Variants in COL14A1 observed in about 807,000 individuals in gnomAD.
The protein encoded by COL14A1 is collagen type XIV alpha 1 chain, also known as collagen alpha-1(XIV) chain.
Under a neutral mutation model 230.3 loss-of-function variants are expected in COL14A1, and 136 were observed. The observed-to-expected ratio is 0.59, with a 90% CI of 0.51 to 0.68. The LOEUF (loss-of-function observed/expected upper bound fraction) is 0.68. Ranked by LOEUF, COL14A1 falls within the 30% of genes least tolerant of loss-of-function variation. COL14A1 has a pLI of 0.00. For missense variants in COL14A1, 1,976 were observed against 2,215.8 expected, an observed-to-expected ratio of 0.89 and a Z score of 2.17; for synonymous variants, 792 against 784.1, an observed-to-expected ratio of 1.01 and a Z score of -0.17.
chr8:120,371,144 C>T lies in COL14A1; in HGVS notation c.5312-8C>T. 5 of 1,598,240 alleles carry T rather than the reference C, an allele frequency of 3.1e-6. No homozygotes were observed. Among genetic ancestry groups the T allele is most frequent in the Non-Finnish European group, 4.3e-6 (5 of 1,174,984 alleles). On this transcript the variant is annotated splice_region_variant and splice_polypyrimidine_tract_variant and intron_variant, in intron 47 of 47. Coordinates refer to ENST00000297848, the MANE Select transcript of COL14A1 (RefSeq NM_021110.4). Reference sequence around the variant, plus strand: ...CAGCAAGTCCCCACCCCCACTTTTCCTCTTTAGCTCCCCATCCAGATCAGC... The same window carrying T: ...CAGCAAGTCCCCACCCCCACTTTTCTTCTTTAGCTCCCCATCCAGATCAGC...
At chr8:120,278,684 T>A in intron 28 of COL14A1, 106 bp downstream of exon 28, 3 of 1,133,158 alleles carry the variant, frequency 2.6e-6, no homozygotes, top group Non-Finnish European at 3.6e-6. Context: ...TTTTAAAATA[T>A]TTCTTCATAT....
At chr8:120,337,509 A>G (rs1340959819) in intron 42 of COL14A1, among the ~76,000 whole-genome samples, 2 of 152,152 alleles carry the variant, frequency 1.3e-5, no homozygotes, top group Non-Finnish European at 2.9e-5. Context: ...CTTATAGATT[A>G]GGGGTCAGGT....
In COL14A1 at chr8:120,283,674, T is replaced by C. The variant is rs2129920188; in HGVS notation, c.3863T>C (p.Ile1288Thr). 2 of 1,613,758 alleles carry C rather than the reference T, an allele frequency of 1.2e-6. No individual in the cohort carries two copies. Among genetic ancestry groups the C allele is most frequent in the East Asian group, 4.5e-5 (2 of 44,842 alleles). The change falls in exon 32 of 48, where the codon ATC becomes ACC. Residue 1288 changes from isoleucine to threonine, a missense_variant. Ile to Thr is a moderately conservative substitution (Grantham distance 89). Transcript: ENST00000297848. ...HPEGLPSDYT[I>T]SFLFRILPDT... ...GAAGGATTGCCCTCCGACTACACAA[T>C]CAGTTTTCTATTCCGGATTCTTCCT...
chr8:120,346,136 C>T (rs1448033290), intron 45 of COL14A1, among the ~76,000 whole-genome samples: 4 of 152,214 alleles, frequency 2.6e-5, no homozygotes, highest in Admixed American at 6.5e-5. Context: ...CCTATTATAT[C>T]AGACAACATT....
intron 19 of COL14A1, among the ~76,000 whole-genome samples, chr8:120,236,698 G>A (rs552914332): frequency 8.5e-5 from 13 of 152,250 alleles, no homozygotes; most frequent in African/African-American, 3.1e-4. Context: ...AGTTGATGCA[G>A]TTTCTTCGTA....
chr8:120,359,186 C>G (rs981311697), intron 45 of COL14A1, among the ~76,000 whole-genome samples: 2 of 152,038 alleles, frequency 1.3e-5, no homozygotes, highest in African/African-American at 2.4e-5. Context: ...TTTTAATCCC[C>G]GCATGCATTA....
intron 5 of COL14A1, among the ~76,000 whole-genome samples, chr8:120,189,957 G>A (rs1259713356): frequency 6.6e-6 from 1 of 151,098 alleles, no homozygotes; most frequent in Non-Finnish European, 1.5e-5. Context: ...GTGTGCATGT[G>A]TCTTTATAGC....
chr8:120,228,991 T>C (rs1586785660), intron 18 of COL14A1, among the ~76,000 whole-genome samples: 1 of 152,142 alleles, frequency 6.6e-6, no homozygotes, highest in East Asian at 1.9e-4. Flanking sequence ...GATACATCAC[T>C]CTACCTCTTT....
At chr8:120,251,042 G>A (rs1217160526) in intron 22 of COL14A1, among the ~76,000 whole-genome samples, 3 of 152,042 alleles carry the variant, frequency 2.0e-5, no homozygotes, top group Non-Finnish European at 4.4e-5. Flanking sequence ...TCTTGACCCC[G>A]TGATTCAACC....
chr8:120,209,785 C>T lies in COL14A1; in HGVS notation c.1351C>T (p.Leu451=), dbSNP rs1366855118. 4 of 1,613,486 alleles carry T rather than the reference C, an allele frequency of 2.5e-6. No homozygotes were observed. Among genetic ancestry groups the T allele is most frequent in the Non-Finnish European group, 3.4e-6 (4 of 1,179,734 alleles). The stretch of plus-strand genomic sequence containing the variant: ...TTTACCGATGGCTTCTGACCTTCTA[C>T]TGTACGACGTGACTGAGAACAGCAT... The part of the protein sequence containing the change: ...LALPMASDLL[L]YDVTENSMRV... The change falls in exon 12 of 48, where the codon CTG becomes TTG. Residue 451 remains leucine (L), a synonymous_variant. Coordinates refer to ENST00000297848, the MANE Select transcript of COL14A1 (RefSeq NM_021110.4).
chr8:120,317,187 G>A (rs1402541167), intron 40 of COL14A1, among the ~76,000 whole-genome samples: 1 of 152,060 alleles, frequency 6.6e-6, no homozygotes, highest in Non-Finnish European at 1.5e-5. Context: ...CTGGTGTTTT[G>A]GGTCGAACTT....
At chr8:120,349,885 A>G (rs1822679532) in intron 45 of COL14A1, among the ~76,000 whole-genome samples, 3 of 147,088 alleles carry the variant, frequency 2.0e-5, no homozygotes, top group Admixed American at 6.8e-5. Context: ...AATACAGAGA[A>G]CGCTACAAAG....
At chr8:120,153,857 A>G (rs1704878034) in intron 2 of COL14A1, among the ~76,000 whole-genome samples, 1 of 152,202 alleles carries the variant, frequency 6.6e-6, no homozygotes, top group African/African-American at 2.4e-5. Flanking sequence ...TCCTTAGGGC[A>G]TGTCATTGGA....
At chr8:120,368,169 G>A (rs999959276) in intron 46 of COL14A1, among the ~76,000 whole-genome samples, 24 of 152,016 alleles carry the variant, frequency 1.6e-4, no homozygotes, top group African/African-American at 5.1e-4. Flanking sequence ...TGTATTATAT[G>A]CTTTTAGAAT....
At chr8:120,300,854 A>G (rs1301020735) in intron 36 of COL14A1, 36 bp downstream of exon 36, 1 of 1,458,706 alleles carries the variant, frequency 6.9e-7, no homozygotes, top group East Asian at 2.3e-5. Flanking sequence ...AATTTTCTTT[A>G]ATAATATTAA....
At chr8:120,293,869 A>C (rs1199252533) in intron 34 of COL14A1, among the ~76,000 whole-genome samples, 5 of 148,636 alleles carry the variant, frequency 3.4e-5, no homozygotes, top group Admixed American at 6.7e-5. Flanking sequence ...TACAATAGCT[A>C]TGAATTTTAT....
intron 4 of COL14A1, among the ~76,000 whole-genome samples, chr8:120,165,910 G>C (rs192018804): frequency 9.9e-5 from 15 of 152,190 alleles, no homozygotes; most frequent in African/African-American, 3.4e-4. Flanking sequence ...ATGGGGTCCA[G>C]GGCATTATCC....
chr8:120,231,594 C>G lies in COL14A1; in HGVS notation c.2325C>G (p.Asp775Glu). 6.2e-7 allele frequency: 1 copy of G among 1,613,728 alleles called. No individual in the cohort carries two copies. The change falls in exon 19 of 48, where the codon GAC becomes GAG. Residue 775 changes from aspartate (D) to glutamate (E), a missense_variant. Asp to Glu is a conservative substitution (Grantham distance 45). This residue lies in a region of COL14A1 where 1,791 missense variants were observed against 2,019.5 expected (regional missense o/e 0.89). Coordinates refer to ENST00000297848, the MANE Select transcript of COL14A1 (RefSeq NM_021110.4). ...FRVTYMTAQG[D>E]PEEEVIGTVM... ...TGACCTACATGACAGCTCAAGGGGA[C>G]CCTGAGGAAGAAGTCATAGGAACGG...
At chr8:120,165,660 C>T (rs1815842476) in intron 4 of COL14A1, among the ~76,000 whole-genome samples, 1 of 150,084 alleles carries the variant, frequency 6.7e-6, no homozygotes, top group Non-Finnish European at 1.5e-5. Flanking sequence ...CATAGTGGAT[C>T]AGCTTCCATA....
Sources: allele counts gnomAD v4.1 joint callset (sites outside exome capture counted in the v4.1 genomes callset), GRCh38; gene constraint gnomAD v4.1.1; regional missense constraint gnomAD v4.1.1; transcripts MANE v1.5; gene names NCBI Gene and HGNC (gene_info 2026-07-23, HGNC 2026-07-21).